Variants in IL1RAPL2 observed in about 807,000 individuals in gnomAD.
IL1RAPL2 encodes X-linked interleukin-1 receptor accessory protein-like 2.
Under a neutral mutation model 44.1 loss-of-function variants are expected in IL1RAPL2, and 3 were observed. That is an observed-to-expected ratio of 0.07 (90% confidence interval 0.03 to 0.18). The LOEUF is 0.18. IL1RAPL2 is among the 10% of genes least tolerant of loss of function. The pLI is 1.00. For synonymous variants in IL1RAPL2, 181 were observed against 178.8 expected, an observed-to-expected ratio of 1.01 and a Z score of -0.10; for missense variants, 391 against 496.4, an observed-to-expected ratio of 0.79 and a Z score of 2.02.
rs1311744468 is a variant in IL1RAPL2, at chrX:105,247,030, T to C, written c.543+13026T>C. 7.2e-5 allele frequency among the ~76,000 whole-genome samples: 8 copies of C among 110,864 alleles called. No homozygotes were observed. In the Admixed American group the frequency reaches 7.7e-4, roughly 11 times the overall value. ...ACCCACTGGTTTGGAAGCTCTGGTT[T>C]ACCTTTTCATAAAATGTAATATATA... On this transcript the variant is annotated intron_variant, in intron 4 of 10. Coordinates refer to ENST00000372582, the MANE Select transcript of IL1RAPL2 (RefSeq NM_017416.2).
chrX:105,014,655 T>C (rs1434498367), intron 2 of IL1RAPL2, among the ~76,000 whole-genome samples: 1 of 112,422 alleles, frequency 8.9e-6, no homozygotes. Context: ...AATCCTTTTT[T>C]ATGGCTGCAT....
At chrX:104,960,247 T>C (rs1020192882) in intron 2 of IL1RAPL2, among the ~76,000 whole-genome samples, 5 of 111,972 alleles carry the variant, frequency 4.5e-5, no homozygotes, top group Non-Finnish European at 9.4e-5. Flanking sequence ...GGGAAGTCTA[T>C]TGAAGAATAC....
intron 2 of IL1RAPL2, among the ~76,000 whole-genome samples, chrX:104,938,871 T>A (rs1925090539): frequency 9.0e-6 from 1 of 111,561 alleles, no homozygotes; most frequent in South Asian, 3.7e-4. Flanking sequence ...TTTGCACATT[T>A]CACAAATAAT....
chrX:105,013,494 C>T (rs1445880275), intron 2 of IL1RAPL2, among the ~76,000 whole-genome samples: 1 of 109,686 alleles, frequency 9.1e-6, no homozygotes, highest in African/African-American at 3.3e-5. Context: ...TTTCTGCCTA[C>T]CAGAGACAGA....
At chrX:104,810,074 C>G (rs1402258986) in intron 2 of IL1RAPL2, among the ~76,000 whole-genome samples, 1 of 110,131 alleles carries the variant, frequency 9.1e-6, no homozygotes, top group Admixed American at 9.7e-5. Context: ...CCTTGGAATA[C>G]TATGCAGCCA....
intron 5 of IL1RAPL2, among the ~76,000 whole-genome samples, chrX:105,462,093 C>A (rs776514246): frequency 2.7e-5 from 3 of 110,934 alleles, no homozygotes; most frequent in African/African-American, 6.6e-5. Flanking sequence ...TTTCATACTG[C>A]GTCATTAATT....
At chrX:105,211,622 C>G (rs1556158042) in intron 3 of IL1RAPL2, among the ~76,000 whole-genome samples, 2 of 111,305 alleles carry the variant, frequency 1.8e-5, no homozygotes, top group Non-Finnish European at 3.8e-5. Flanking sequence ...ATTTGATGGT[C>G]TCTTATTTGC....
intron 2 of IL1RAPL2, among the ~76,000 whole-genome samples, chrX:104,962,060 G>T (rs929330071): frequency 1.7e-4 from 19 of 111,253 alleles, no homozygotes; most frequent in African/African-American, 6.3e-4. Flanking sequence ...AACAGTTTCA[G>T]GCCTTCACAG....
At chrX:104,869,820 G>T (rs913102770) in intron 2 of IL1RAPL2, among the ~76,000 whole-genome samples, 3 of 112,084 alleles carry the variant, frequency 2.7e-5, no homozygotes, top group Non-Finnish European at 5.6e-5. Context: ...GGCTGTGTTT[G>T]TGAGGCCCAG....
intron 2 of IL1RAPL2, among the ~76,000 whole-genome samples, chrX:104,842,164 T>C (rs1471426920): frequency 1.8e-5 from 2 of 109,568 alleles, no homozygotes; most frequent in African/African-American, 6.6e-5. Flanking sequence ...TATCTTTTCT[T>C]CTGCTTGATC....
intron 5 of IL1RAPL2, among the ~76,000 whole-genome samples, chrX:105,405,390 C>T (rs2035635608): frequency 9.0e-6 from 1 of 111,727 alleles, no homozygotes; most frequent in African/African-American, 3.3e-5. Context: ...GCATTAACAT[C>T]CTATAATTGT....
At chrX:104,674,388 T>G (rs1440370821) in intron 2 of IL1RAPL2, among the ~76,000 whole-genome samples, 1 of 112,125 alleles carries the variant, frequency 8.9e-6, no homozygotes, top group African/African-American at 3.2e-5. Flanking sequence ...TCTGTTTATA[T>G]GCTAGATTAT....
At chrX:105,324,564 C>G (rs1383330589) in intron 5 of IL1RAPL2, among the ~76,000 whole-genome samples, 5 of 111,332 alleles carry the variant, frequency 4.5e-5, no homozygotes, top group African/African-American at 1.6e-4. Flanking sequence ...GTTTTTTCTT[C>G]TCTATCACCA....
At chrX:105,449,743 C>CA (rs758801967) in intron 5 of IL1RAPL2, among the ~76,000 whole-genome samples, 3,723 of 102,883 alleles carry the variant, frequency 0.036, 159 homozygotes, top group African/African-American at 0.12. Flanking sequence ...GAGATTCCGT[C>CA]AAAAAAAAAA....
chrX:105,566,214 AAG>A (rs1195445960), intron 6 of IL1RAPL2, among the ~76,000 whole-genome samples: 1 of 111,142 alleles, frequency 9.0e-6, no homozygotes, highest in Admixed American at 9.6e-5. Flanking sequence ...GAGAGAGAAA[AAG>A]AGAGAGAGAA....
intron 6 of IL1RAPL2, among the ~76,000 whole-genome samples, chrX:105,563,231 A>G (rs1465086611): frequency 1.8e-5 from 2 of 111,987 alleles, no homozygotes; most frequent in Non-Finnish European, 3.8e-5. Context: ...TGTTTTACAA[A>G]TGGGGAAATT....
At chrX:105,168,721 A>G (rs1364495309) in intron 2 of IL1RAPL2, among the ~76,000 whole-genome samples, 2 of 110,482 alleles carry the variant, frequency 1.8e-5, no homozygotes, top group Non-Finnish European at 3.8e-5. Flanking sequence ...CAATCAGACA[A>G]AAGGAATTCT....
chrX:104,950,245 C>G, intron 2 of IL1RAPL2, among the ~76,000 whole-genome samples: 1 of 111,948 alleles, frequency 8.9e-6, no homozygotes, highest in Middle Eastern at 4.6e-3. Context: ...ATTGCAACCC[C>G]TGCCTTTTTT....
chrX:104,637,800 G>C (rs145216042), intron 1 of IL1RAPL2, among the ~76,000 whole-genome samples: 2,622 of 98,555 alleles, frequency 0.027, 82 homozygotes, highest in African/African-American at 0.087. Context: ...GTGTGTGTGT[G>C]TCTGTGTGTG....
Sources: gnomAD v4.1 joint callset for allele counts (sites outside exome capture counted in the v4.1 genomes callset) on GRCh38, gnomAD v4.1.1 for gene constraint, MANE v1.5 for transcripts, NCBI Gene and HGNC (gene_info 2026-07-23, HGNC 2026-07-21) for gene names.